Variants in PHF21A observed in about 807,000 individuals in gnomAD.
PHF21A encodes PHD finger protein 21A.
A neutral mutation model predicts 82.5 loss-of-function variants in PHF21A; 11 were observed. That is an observed-to-expected ratio of 0.13 (90% CI 0.08 to 0.22). The LOEUF is 0.22. Among genes scored for constraint, PHF21A ranks in the 10% least tolerant of loss-of-function variants. The probability of loss-of-function intolerance (pLI) is 1.00; values close to 1 mark genes in which losing one functional copy is unlikely to be tolerated. For synonymous variants in PHF21A, 297 were observed against 302.8 expected (o/e 0.98, Z 0.20); for missense variants, 579 against 837.8 (o/e 0.69, Z 3.81).
chr11:46,050,888 C>G (rs889875715), intron 6 of PHF21A, among the ~76,000 whole-genome samples: 8 of 152,310 alleles, frequency 5.3e-5, no homozygotes, highest in African/African-American at 1.7e-4. Flanking sequence ...GCCAGAGAGG[C>G]AGCTGCTGGA....
intron 16 of PHF21A, 35 bp from the exon 17 acceptor site, chr11:45,936,604 A>AT: frequency 7.3e-7 from 1 of 1,375,786 alleles, no homozygotes; most frequent in Non-Finnish European, 1.0e-6. Flanking sequence ...CTTGAGAAGG[A>AT]GGTTTAAACA....
intron 6 of PHF21A, among the ~76,000 whole-genome samples, chr11:46,001,549 C>T (rs1173198557): frequency 6.6e-6 from 1 of 152,002 alleles, no homozygotes; most frequent in African/African-American, 2.4e-5. Flanking sequence ...GGGAGGAAAA[C>T]AAAAACACTG....
At chr11:46,044,662 T>C (rs1303148965) in intron 6 of PHF21A, among the ~76,000 whole-genome samples, 3 of 152,154 alleles carry the variant, frequency 2.0e-5, no homozygotes, top group Non-Finnish European at 4.4e-5. Context: ...CTCATAAACA[T>C]TCTCATTTCT....
intron 6 of PHF21A, among the ~76,000 whole-genome samples, chr11:46,013,144 T>C (rs1272051581): frequency 1.3e-5 from 2 of 152,216 alleles, no homozygotes; most frequent in East Asian, 1.9e-4. Flanking sequence ...TACCCAGTAA[T>C]GGGATTGATG....
rs537408316 is a variant in PHF21A, at chr11:46,065,918, C to G, written c.153+10836G>C. On this transcript the variant is annotated intron_variant, in intron 6 of 18. Transcript: ENST00000676320. The stretch of plus-strand genomic sequence containing the variant: ...CACAGAGCAAGGAGCTACTGGCTCA[C>G]AGAAGAGAAACCACCTGACTATGCC... Among the ~76,000 whole-genome samples the G allele has an allele frequency of 2.4e-4, 37 of 152,284 alleles. 1 individual carries two copies. The highest frequency in any genetic ancestry group is 8.3e-4 in the South Asian group (4 of 4,822).
At chr11:45,970,934 G>T in intron 8 of PHF21A, 182 bp downstream of exon 8, 1 of 693,202 alleles carries the variant, frequency 1.4e-6, no homozygotes. Flanking sequence ...GGACGCTTCT[G>T]TAGTGATTTG....
At chr11:46,035,384 T>C (rs1210245384) in intron 6 of PHF21A, among the ~76,000 whole-genome samples, 1 of 152,262 alleles carries the variant, frequency 6.6e-6, no homozygotes, top group Non-Finnish European at 1.5e-5. Context: ...GCCAGCATCA[T>C]ACCGTTCACT....
intron 6 of PHF21A, among the ~76,000 whole-genome samples, chr11:46,042,855 C>G (rs2096179863): frequency 6.6e-6 from 1 of 152,074 alleles, no homozygotes; most frequent in South Asian, 2.1e-4. Context: ...CTCACAAAAT[C>G]TGCTGATGCC....
intron 3 of PHF21A, among the ~76,000 whole-genome samples, 191 bp from the exon 4 acceptor site, chr11:46,084,493 T>C (rs1353102722): frequency 6.6e-6 from 1 of 151,744 alleles, no homozygotes; most frequent in Admixed American, 6.6e-5. Context: ...AACTAAGAAA[T>C]GAAAAACCAA....
chr11:46,034,063 G>A (rs1044278565), intron 6 of PHF21A, among the ~76,000 whole-genome samples: 1 of 152,178 alleles, frequency 6.6e-6, no homozygotes, highest in Non-Finnish European at 1.5e-5. Context: ...TCTGTCAGAA[G>A]TAAAATGATA....
At chr11:45,992,491 G>T (rs910994609) in intron 6 of PHF21A, among the ~76,000 whole-genome samples, 2 of 152,226 alleles carry the variant, frequency 1.3e-5, no homozygotes, top group African/African-American at 4.8e-5. Context: ...AGTGAGCTGA[G>T]ATCGCGCCAC....
chr11:46,095,722 C>T (rs914313614), intron 1 of PHF21A, among the ~76,000 whole-genome samples: 3 of 151,726 alleles, frequency 2.0e-5, no homozygotes, highest in African/African-American at 7.3e-5. Flanking sequence ...GAAACCCTTG[C>T]GATATGAAGA....
intron 6 of PHF21A, among the ~76,000 whole-genome samples, chr11:46,008,257 C>T (rs959704709): frequency 4.6e-5 from 7 of 152,168 alleles, no homozygotes; most frequent in Admixed American, 1.3e-4. Context: ...AATCTCAAAA[C>T]ATTTGTGAGG....
chr11:45,978,254 C>T (rs2094130909), intron 7 of PHF21A, among the ~76,000 whole-genome samples: 1 of 152,130 alleles, frequency 6.6e-6, no homozygotes, highest in African/African-American at 2.4e-5. Flanking sequence ...TGAGCCAAGA[C>T]TGCGCCACTG....
intron 1 of PHF21A, among the ~76,000 whole-genome samples, chr11:46,099,559 CACA>C (rs1565987982): frequency 3.3e-5 from 5 of 151,306 alleles, no homozygotes; most frequent in Non-Finnish European, 7.4e-5. Context: ...CACACACACA[CACA>C]CCCTAAACAC....
chr11:46,000,183 AT>A (rs2095067452), intron 6 of PHF21A, among the ~76,000 whole-genome samples: 1 of 152,210 alleles, frequency 6.6e-6, no homozygotes, highest in Non-Finnish European at 1.5e-5. Context: ...AGAAACCAAC[AT>A]ATTTAGCACG....
chr11:45,954,539 C>A (rs1221545613), intron 10 of PHF21A, among the ~76,000 whole-genome samples: 1 of 151,968 alleles, frequency 6.6e-6, no homozygotes, highest in Non-Finnish European at 1.5e-5. Context: ...TTTTTCCAAG[C>A]CTCTTCTTCC....
chr11:45,975,807 C>T (rs988200693), intron 7 of PHF21A, among the ~76,000 whole-genome samples: 7 of 152,194 alleles, frequency 4.6e-5, no homozygotes, highest in African/African-American at 9.7e-5. Flanking sequence ...GCTTTCTCTA[C>T]GCCTTGGTAT....
chr11:46,001,420 T>C (rs1461707375), intron 6 of PHF21A, among the ~76,000 whole-genome samples: 1 of 151,746 alleles, frequency 6.6e-6, no homozygotes, highest in Non-Finnish European at 1.5e-5. Context: ...CTGTAGATTC[T>C]AATGAGATAA....
Sources: gnomAD v4.1 joint callset for allele counts (sites outside exome capture counted in the v4.1 genomes callset) on GRCh38, gnomAD v4.1.1 for gene constraint, MANE v1.5 for transcripts, NCBI Gene and HGNC (gene_info 2026-07-23, HGNC 2026-07-21) for gene names.